Variants in PCDH11X observed in about 807,000 individuals in gnomAD.
The protein encoded by PCDH11X is protocadherin-11 X-linked.
Under a neutral mutation model 53.3 loss-of-function variants are expected in PCDH11X, and 18 were observed. The observed-to-expected ratio is 0.34, with a 90% CI of 0.23 to 0.50. The LOEUF (loss-of-function observed/expected upper bound fraction) is 0.50. Ranked by LOEUF, PCDH11X falls within the 20% of genes least tolerant of loss-of-function variation. PCDH11X has a pLI of 0.98. For missense variants in PCDH11X, 570 were observed against 1,032.4 expected (o/e 0.55, Z 6.14); for synonymous variants, 279 against 393.3 (o/e 0.71, Z 3.44).
intron 9 of PCDH11X, 92 bp downstream of exon 9, chrX:92,388,025 T>C: frequency 8.5e-7 from 1 of 1,176,242 alleles, no homozygotes; most frequent in Non-Finnish European, 1.1e-6. Context: ...GGCTAATTCA[T>C]TATGTTATTG....
At chrX:92,041,645 T>A (rs1194160913) in intron 6 of PCDH11X, among the ~76,000 whole-genome samples, 7 of 111,980 alleles carry the variant, frequency 6.3e-5, no homozygotes, top group South Asian at 3.7e-4. Flanking sequence ...TGCAAAAAAA[T>A]TAATGAGTAC....
chrX:92,240,707 T>G (rs1381319395), intron 7 of PCDH11X, among the ~76,000 whole-genome samples: 1 of 112,162 alleles, frequency 8.9e-6, no homozygotes, highest in Non-Finnish European at 1.9e-5. Flanking sequence ...TATTTTAAAA[T>G]AAATTTTTAC....
At chrX:92,001,054 T>G (rs2147961441) in intron 6 of PCDH11X, among the ~76,000 whole-genome samples, 1 of 102,950 alleles carries the variant, frequency 9.7e-6, no homozygotes, top group East Asian at 3.1e-4. Context: ...TGCAGAAATC[T>G]TGTTGATATA....
In PCDH11X at chrX:92,226,501, C is replaced by T. The variant is rs757733216; in HGVS notation, c.3114+25046C>T. Among the ~76,000 whole-genome samples the T allele has an allele frequency of 1.1e-4, 12 of 111,566 alleles. No individual in the cohort carries two copies. In the South Asian group the frequency reaches 1.9e-3, roughly 17 times the overall value. On this transcript the variant is annotated intron_variant, in intron 7 of 10. Coordinates refer to ENST00000682573, the MANE Select transcript of PCDH11X (RefSeq NM_032968.5). ...CAAGGTAGTATAGCGAATTTCTTTA[C>T]GGCCAGTTCTTATTGGAATTAAAAT... is the stretch of plus-strand genomic sequence containing the variant.
At chrX:92,406,794 G>A (rs191054242) in intron 9 of PCDH11X, among the ~76,000 whole-genome samples, 20,228 of 106,699 alleles carry the variant, frequency 0.19, 1,941 homozygotes, top group Non-Finnish European at 0.28. Context: ...GGACGTGGCA[G>A]TGGGCACCTG....
intron 8 of PCDH11X, among the ~76,000 whole-genome samples, chrX:92,265,376 C>T (rs1223736829): frequency 3.6e-5 from 4 of 110,587 alleles, no homozygotes; most frequent in Non-Finnish European, 7.5e-5. Context: ...GATGTCAAGC[C>T]GAGCTCAGGG....
At chrX:92,147,904 TTC>T (rs1229601897) in intron 6 of PCDH11X, among the ~76,000 whole-genome samples, 6 of 99,689 alleles carry the variant, frequency 6.0e-5, no homozygotes, top group South Asian at 5.0e-4. Context: ...TTCCTTTTCT[TTC>T]TCTCTCTTTC....
chrX:91,824,018 C>T (rs1404117922), intron 4 of PCDH11X, among the ~76,000 whole-genome samples: 1 of 111,217 alleles, frequency 9.0e-6, no homozygotes, highest in East Asian at 2.8e-4. Context: ...TCTCTTCTGG[C>T]TTGTAGGGTT....
intron 6 of PCDH11X, among the ~76,000 whole-genome samples, chrX:92,009,853 C>T (rs921085012): frequency 3.7e-5 from 4 of 108,997 alleles, no homozygotes; most frequent in Admixed American, 9.9e-5. Flanking sequence ...TAGGTATGCA[C>T]CACCATGCCC....
At chrX:92,154,336 A>G (rs2065490068) in intron 6 of PCDH11X, among the ~76,000 whole-genome samples, 1 of 110,745 alleles carries the variant, frequency 9.0e-6, no homozygotes, top group Non-Finnish European at 1.9e-5. Flanking sequence ...TCACTTTGGT[A>G]CATGACACAT....
At chrX:92,277,954 G>GA (rs2068145808) in intron 8 of PCDH11X, among the ~76,000 whole-genome samples, 1 of 111,839 alleles carries the variant, frequency 8.9e-6, no homozygotes, top group East Asian at 2.9e-4. Context: ...TGTGTCTTCT[G>GA]ACACCTTTGA....
intron 4 of PCDH11X, among the ~76,000 whole-genome samples, chrX:91,822,157 A>C (rs1466248811): frequency 5.4e-5 from 6 of 110,260 alleles, no homozygotes; most frequent in East Asian, 5.7e-4. Flanking sequence ...TGTCTCTGCC[A>C]GGCTTTGGTA....
intron 6 of PCDH11X, among the ~76,000 whole-genome samples, chrX:91,889,520 C>G (rs1440242666): frequency 8.9e-6 from 1 of 111,917 alleles, no homozygotes; most frequent in Non-Finnish European, 1.9e-5. Flanking sequence ...GCCATGCTGA[C>G]CAGGCTGTTC....
intron 5 of PCDH11X, among the ~76,000 whole-genome samples, chrX:91,863,220 A>G (rs1039213652): frequency 1.9e-5 from 2 of 106,553 alleles, no homozygotes; most frequent in East Asian, 3.0e-4. Context: ...TCTAGCTATT[A>G]TTGTACTTGG....
intron 7 of PCDH11X, among the ~76,000 whole-genome samples, chrX:92,261,922 T>C (rs760877577): frequency 1.1e-3 from 123 of 111,437 alleles, no homozygotes; most frequent in African/African-American, 3.7e-3. Flanking sequence ...CATTGAGCCA[T>C]TGATGGTTGA....
intron 10 of PCDH11X, among the ~76,000 whole-genome samples, chrX:92,562,404 C>T (rs1179825405): frequency 1.0e-5 from 1 of 98,054 alleles, no homozygotes; most frequent in Non-Finnish European, 2.0e-5. Flanking sequence ...TCTAACATTT[C>T]AAAATGCAAT....
At chrX:92,273,590 GGA>G (rs1192868215) in intron 8 of PCDH11X, among the ~76,000 whole-genome samples, 1 of 110,321 alleles carries the variant, frequency 9.1e-6, no homozygotes, top group Admixed American at 9.7e-5. Context: ...GGGGTGGTAT[GGA>G]GAGAGAGTGG....
intron 9 of PCDH11X, among the ~76,000 whole-genome samples, chrX:92,391,521 T>G (rs1404851000): frequency 1.8e-5 from 2 of 111,298 alleles, no homozygotes; most frequent in Admixed American, 9.6e-5. Context: ...TTAAGTAGTC[T>G]CAGGTAAAAT....
At chrX:91,882,263 T>C (rs1461096117) in intron 6 of PCDH11X, among the ~76,000 whole-genome samples, 4 of 110,633 alleles carry the variant, frequency 3.6e-5, no homozygotes, top group Non-Finnish European at 7.6e-5. Context: ...AACATGAAAT[T>C]TGAGAGGATG....
Sources: gnomAD v4.1 joint callset for allele counts (sites outside exome capture counted in the v4.1 genomes callset) on GRCh38, gnomAD v4.1.1 for gene constraint, MANE v1.5 for transcripts, NCBI Gene and HGNC (gene_info 2026-07-23, HGNC 2026-07-21) for gene names.